MAP1B: variants seen among roughly 807,000 people sequenced by gnomAD.
MAP1B encodes the protein microtubule-associated protein 1B.
In MAP1B, 12 loss-of-function variants were observed where a neutral mutation model predicts 176.1. The ratio of observed to expected loss-of-function variants is 0.07; its 90% CI spans 0.04 to 0.11. MAP1B has a LOEUF of 0.11. Among genes scored for constraint, MAP1B ranks in the 10% least tolerant of loss-of-function variants. MAP1B has a pLI of 1.00. For synonymous variants in MAP1B, 1,044 were observed against 1,135.0 expected, an observed-to-expected ratio of 0.92 and a Z score of 1.61; for missense variants, 2,523 against 2,990.5, an observed-to-expected ratio of 0.84 and a Z score of 3.65.
In MAP1B at chr5:72,204,765, C is replaced by G. The variant is rs1747409218; in HGVS notation, c.7252-319C>G. On this transcript the variant is annotated intron_variant, in intron 6 of 6. Transcript: ENST00000296755. The surrounding 1 kb of genome is among the most constrained non-coding windows in gnomAD (Gnocchi z 4.4). ...TGCAATATCTTTTATGCAAAACTTA[C>G]CAGTTGTGTTAAAGGAAATACAAAA... 1.3e-5 allele frequency among the ~76,000 whole-genome samples: 2 copies of G among 152,120 alleles called. No individual in the cohort carries two copies. Among genetic ancestry groups the G allele is most frequent in the Non-Finnish European group, 2.9e-5 (2 of 68,022 alleles).
intron 2 of MAP1B, among the ~76,000 whole-genome samples, chr5:72,177,400 C>A (rs945372799): frequency 1.3e-5 from 2 of 149,056 alleles, no homozygotes; most frequent in Non-Finnish European, 2.9e-5. Context: ...GGAGAACCAC[C>A]TGGGGGCTGC....
In MAP1B at chr5:72,107,478, G is replaced by GAGAA; in HGVS notation, c.-54_-53insAGAA. On this transcript the variant is annotated 5_prime_UTR_variant, in exon 1 of 7. In the 5' UTR this introduces an upstream ATG that the reference lacks. Coordinates refer to ENST00000296755, the MANE Select transcript of MAP1B (RefSeq NM_005909.5). ...GGAGATAATCCTTTCTCCTGCCGCA[G>GAGAA]TGGAGAGGAGCGGCCGGAGCGAGAC... The GAGAA allele has an allele frequency of 6.9e-7, 1 of 1,451,498 alleles. No individual in the cohort carries two copies. The highest frequency in any genetic ancestry group is 2.5e-5 in the East Asian group (1 of 39,568). 89.9% of individuals were successfully genotyped at this position (1,451,498 alleles called of 1,614,324 possible).
intron 2 of MAP1B, chr5:72,116,118 AAG>A: frequency 9.2e-6 from 3 of 327,460 alleles, no homozygotes; most frequent in Admixed American, 4.3e-5. Context: ...GAGAGAGAGA[AAG>A]AGAGAGAGAT....
intron 2 of MAP1B, among the ~76,000 whole-genome samples, chr5:72,154,070 T>C (rs1561300017): frequency 6.6e-6 from 1 of 152,168 alleles, no homozygotes; most frequent in Admixed American, 6.5e-5. Flanking sequence ...AAAATAATAC[T>C]GAATGGTAAA....
At chr5:72,177,245 G>T (rs973625598) in intron 2 of MAP1B, among the ~76,000 whole-genome samples, 1 of 152,088 alleles carries the variant, frequency 6.6e-6, no homozygotes, top group Admixed American at 6.6e-5. Flanking sequence ...GACCCTCTCC[G>T]GAGCTCTAAG....
At chr5:72,123,936 G>C (rs1319924383) in intron 2 of MAP1B, among the ~76,000 whole-genome samples, 1 of 152,220 alleles carries the variant, frequency 6.6e-6, no homozygotes, top group Non-Finnish European at 1.5e-5. Flanking sequence ...CAGCGTGAGA[G>C]TTCTCTTAAT....
chr5:72,193,109 A>T (rs908857877), intron 4 of MAP1B, among the ~76,000 whole-genome samples: 2 of 152,250 alleles, frequency 1.3e-5, no homozygotes, highest in Admixed American at 1.3e-4. Context: ...CATGGCTTTA[A>T]TAAAAAAGTA....
chr5:72,160,217 T>TCA (rs1746302694), intron 2 of MAP1B, among the ~76,000 whole-genome samples: 1 of 36,530 alleles, frequency 2.7e-5, no homozygotes, highest in Non-Finnish European at 6.7e-5. Context: ...TGTTGGAAAC[T>TCA]TAAAAAAAAA....
Position 72,200,129 on chromosome 5 carries a change from C to G in MAP1B, c.6774C>G (p.Val2258=). 1 of 1,614,184 alleles carries G rather than the reference C, an allele frequency of 6.2e-7. No individual in the cohort carries two copies. Among genetic ancestry groups the G allele is most frequent in the Non-Finnish European group, 8.5e-7 (1 of 1,180,042 alleles). The change falls in exon 5 of 7, where the codon GTC becomes GTG. Residue 2258 remains valine, a synonymous_variant. Coordinates refer to ENST00000296755, the MANE Select transcript of MAP1B (RefSeq NM_005909.5). The part of the protein sequence containing the change: ...PGTKTKSSSP[V]KKSDGKSKPL... ...CAAAGACCAAGTCATCTTCACCTGT[C>G]AAAAAGAGTGATGGGAAGTCTAAGC...
intron 4 of MAP1B, among the ~76,000 whole-genome samples, chr5:72,188,129 C>T (rs775404407): frequency 4.6e-5 from 7 of 152,294 alleles, no homozygotes; most frequent in South Asian, 2.1e-4. Context: ...CCTAGTAAGC[C>T]GCTGTTCAAT....
At position 72,196,009 on chromosome 5, in the gene MAP1B, C is replaced by T; in HGVS notation, c.2654C>T (p.Thr885Ile). 1 of 1,614,178 alleles carries T rather than the reference C, an allele frequency of 6.2e-7. No individual in the cohort carries two copies. Among genetic ancestry groups the T allele is most frequent in the South Asian group, 1.1e-5 (1 of 91,080 alleles). Reference sequence around the variant, plus strand: ...GTCATCCAGAAGGAGAGAGAAGTCACCAAAGGTCCTGCCGAGTCCCCTGAT... The same window carrying T: ...GTCATCCAGAAGGAGAGAGAAGTCATCAAAGGTCCTGCCGAGTCCCCTGAT... The part of the protein sequence containing the change: ...AYVIQKEREV[T>I]KGPAESPDEG... The change falls in exon 5 of 7, where the codon ACC (threonine) becomes ATC (isoleucine). Residue 885 changes from threonine to isoleucine, a missense_variant. Transcript: ENST00000296755. This position sits in a 1 kb window ranked among gnomAD's most constrained non-coding sequence, Gnocchi z 5.3.
intron 2 of MAP1B, among the ~76,000 whole-genome samples, chr5:72,176,470 C>T (rs536422506): frequency 9.1e-4 from 138 of 152,294 alleles, no homozygotes; most frequent in Non-Finnish European, 1.8e-3. Context: ...TCAGCTCTTT[C>T]GTCCATGAAG....
intron 2 of MAP1B, among the ~76,000 whole-genome samples, chr5:72,145,160 A>G (rs908568695): frequency 4.6e-5 from 7 of 152,224 alleles, no homozygotes; most frequent in African/African-American, 7.2e-5. Flanking sequence ...AAGGGAGGGC[A>G]CTAGTCTTTA....
chr5:72,107,874 G>T (rs1343420263), intron 1 of MAP1B, among the ~76,000 whole-genome samples, 159 bp downstream of exon 1: 1 of 152,156 alleles, frequency 6.6e-6, no homozygotes, highest in Admixed American at 6.5e-5. Context: ...GGCTAATTAA[G>T]AATAATCCGA....
At chr5:72,115,647 T>A (rs900023322) in intron 1 of MAP1B, 51 bp from the exon 2 acceptor site, 1 of 1,017,760 alleles carries the variant, frequency 9.8e-7, no homozygotes, top group South Asian at 1.3e-5. Context: ...TCCAAACCAC[T>A]CTGAAATGAC....
chr5:72,198,482 G>C lies in MAP1B; in HGVS notation c.5127G>C (p.Pro1709=). The change falls in exon 5 of 7, where the codon CCG becomes CCC. Residue 1709 remains proline, a synonymous_variant. Transcript: ENST00000296755. ...ATAAGATACCACCTATGGAGGAGCC[G>C]TCCTACACCCAAGATAATGATCTTT... ...LSHKIPPMEE[P]SYTQDNDLSE... The C allele has an allele frequency of 6.2e-7, 1 of 1,613,846 alleles. No individual in the cohort carries two copies. Among genetic ancestry groups the C allele is most frequent in the Non-Finnish European group, 8.5e-7 (1 of 1,180,022 alleles).
intron 2 of MAP1B, among the ~76,000 whole-genome samples, chr5:72,133,487 C>G (rs887575436): frequency 2.0e-5 from 3 of 152,098 alleles, no homozygotes; most frequent in African/African-American, 7.2e-5. Context: ...TTCTTTGAGT[C>G]CAGCAGAATG....
At chr5:72,173,126 T>G (rs1209897114) in intron 2 of MAP1B, among the ~76,000 whole-genome samples, 4 of 152,254 alleles carry the variant, frequency 2.6e-5, no homozygotes, top group Non-Finnish European at 5.9e-5. Flanking sequence ...CTCATAGCAT[T>G]AATGTGCACA....
chr5:72,165,340 T>C (rs893170140), intron 2 of MAP1B, among the ~76,000 whole-genome samples: 4 of 152,242 alleles, frequency 2.6e-5, no homozygotes, highest in Non-Finnish European at 5.9e-5. Context: ...GTTCCTAATA[T>C]ATATTTGTCA....
Sources: allele counts gnomAD v4.1 joint callset (sites outside exome capture counted in the v4.1 genomes callset), GRCh38; gene constraint gnomAD v4.1.1; non-coding constraint Gnocchi (gnomAD v3.1); transcripts MANE v1.5; gene names NCBI Gene and HGNC (gene_info 2026-07-23, HGNC 2026-07-21).